Variants in DEPDC5 observed in about 807,000 individuals in gnomAD.
The protein encoded by DEPDC5 is DEP domain containing 5, GATOR1 subcomplex subunit.
DEPDC5 carries 73 observed loss-of-function variants against 217.3 expected under a neutral mutation model. The observed-to-expected ratio is 0.34, with a 90% CI of 0.28 to 0.41. The LOEUF (loss-of-function observed/expected upper bound fraction) is 0.41. DEPDC5 is among the 10% of genes least tolerant of loss of function. DEPDC5 has a pLI of 1.00. For missense variants in DEPDC5, 1,675 were observed against 2,070.1 expected, an observed-to-expected ratio of 0.81 and a Z score of 3.70; for synonymous variants, 733 against 756.7, an observed-to-expected ratio of 0.97 and a Z score of 0.51.
intron 38 of DEPDC5, among the ~76,000 whole-genome samples, chr22:31,884,843 T>G (rs776994017): frequency 6.6e-6 from 1 of 152,114 alleles, no homozygotes; most frequent in Non-Finnish European, 1.5e-5. Flanking sequence ...CACCTTCGTC[T>G]TGCCTTCTCA....
chr22:31,841,137 G>A (rs1213143620), intron 27 of DEPDC5, among the ~76,000 whole-genome samples: 1 of 152,254 alleles, frequency 6.6e-6, no homozygotes, highest in East Asian at 1.9e-4. Flanking sequence ...GCTGTAGAAA[G>A]TGAGATTTGG....
intron 31 of DEPDC5, among the ~76,000 whole-genome samples, chr22:31,851,173 A>G (rs28472585): frequency 6.6e-6 from 1 of 152,016 alleles, no homozygotes; most frequent in African/African-American, 2.4e-5. Context: ...CCTTGGTTTC[A>G]CACTCTGGTC....
chr22:31,833,760 C>T, intron 24 of DEPDC5, 155 bp from the exon 25 acceptor site: 5 of 524,958 alleles, frequency 9.5e-6, no homozygotes, highest in Non-Finnish European at 1.6e-5. Flanking sequence ...TTTCTTTGAT[C>T]GATTCTTTTG....
chr22:31,805,951 A>G (rs1384175987), intron 17 of DEPDC5, among the ~76,000 whole-genome samples, 171 bp from the exon 18 acceptor site: 2 of 152,156 alleles, frequency 1.3e-5, no homozygotes, highest in African/African-American at 2.4e-5. Context: ...ACAAAACATA[A>G]CTAATGTTTT....
In DEPDC5 at chr22:31,821,534, C is replaced by G; in HGVS notation, c.1903C>G (p.Gln635Glu). The change falls in exon 23 of 43, where the codon CAG becomes GAG. Residue 635 changes from glutamine to glutamate, a missense_variant. Physicochemically the swap from Gln to Glu is conservative, Grantham distance 29. Coordinates refer to ENST00000651528, the MANE Select transcript of DEPDC5 (RefSeq NM_001242896.3). ...CGGAGAAGCCATCCAGATCCACCACCAGACCCGACAGAATATGGCGGAGCT... is the reference window on the plus strand; with the variant it reads ...CGGAGAAGCCATCCAGATCCACCACGAGACCCGACAGAATATGGCGGAGCT... ...PSGEAIQIHH[Q>E]TRQNMAELQG... 6.2e-7 allele frequency: 1 copy of G among 1,614,232 alleles called. No homozygotes were observed. Among genetic ancestry groups the G allele is most frequent in the Non-Finnish European group, 8.5e-7 (1 of 1,180,036 alleles).
chr22:31,843,862 G>T (rs1280985055), intron 29 of DEPDC5, 50 bp downstream of exon 29: 19 of 1,527,514 alleles, frequency 1.2e-5, no homozygotes, highest in Non-Finnish European at 1.7e-5. Flanking sequence ...GGGCAAGGAT[G>T]TGTATGTGTA....
intron 32 of DEPDC5, chr22:31,858,697 A>G (rs2092395870): frequency 6.6e-6 from 1 of 152,310 alleles, no homozygotes; most frequent in South Asian, 2.1e-4. Context: ...ATATCATTTT[A>G]TCATATGAAT....
In DEPDC5 at chr22:31,897,529, C is replaced by T. The variant is rs762073691; in HGVS notation, c.4251C>T (p.Val1417=). The T allele has an allele frequency of 6.2e-7, 1 of 1,614,064 alleles. No individual in the cohort carries two copies. Among genetic ancestry groups the T allele is most frequent in the South Asian group, 1.1e-5 (1 of 91,080 alleles). ...RKATSCGFLL[V]PVLEGPFALP... ...CCACCTCCTGTGGCTTCTTGTTAGT[C>T]CCAGTTTTGGAGGGGCCTTTTGCAC... The change falls in exon 40 of 43, where the codon GTC becomes GTT. Residue 1417 remains valine (V), a synonymous_variant. Coordinates refer to ENST00000651528, the MANE Select transcript of DEPDC5 (RefSeq NM_001242896.3).
chr22:31,806,594 G>C, intron 18 of DEPDC5, among the ~76,000 whole-genome samples: 1 of 152,218 alleles, frequency 6.6e-6, no homozygotes, highest in Admixed American at 6.5e-5. Context: ...ATTGTGACCT[G>C]ACTGTTTTAT....
At chr22:31,891,173 A>T in intron 38 of DEPDC5, 1 of 529,984 alleles carries the variant, frequency 1.9e-6, no homozygotes, top group Non-Finnish European at 3.6e-6. Context: ...CCTTCTTTAA[A>T]CTGTCAAGTA....
chr22:31,810,550 G>T lies in DEPDC5; in HGVS notation c.1354G>T (p.Ala452Ser), dbSNP rs768264302. Residue 452 changes from alanine (A) to serine (S), a missense_variant, in exon 20 of 43, where the codon GCC (alanine) becomes TCC (serine). Transcript: ENST00000651528. ...CGGGAGTCCAAAAGAATCTGAGAAC[G>T]CCCTTCCCATCCAAGTAGATTATGA... ...SLGSPKESEN[A>S]LPIQVDYDAY... 3.1e-6 allele frequency: 5 copies of T among 1,614,048 alleles called. No homozygotes were observed. In the East Asian group the frequency reaches 1.1e-4, roughly 36 times the overall value.
rs781749390 is a variant in DEPDC5 at position 31,857,515 on chromosome 22, G to A, written c.3226G>A (p.Val1076Ile). ...SSAQSAESSS[V>I]AMTPTYMDSP... ...CGCCCAGTCAGCCGAGAGCAGCAGC[G>A]TTGCCATGACTCCCACCTACATGGA... Residue 1076 changes from valine (V) to isoleucine (I), a missense_variant, in exon 32 of 43, where the codon GTT becomes ATT. Val to Ile is a conservative substitution (Grantham distance 29). This residue lies in a region of DEPDC5 where 126 missense variants were observed against 113.8 expected (regional missense o/e 1.11). Transcript: ENST00000651528. 17 of 1,612,162 alleles carry A rather than the reference G, an allele frequency of 1.1e-5. No individual in the cohort carries two copies. Among genetic ancestry groups the A allele is most frequent in the South Asian group, 6.6e-5 (6 of 90,450 alleles).
chr22:31,758,773 G>T, intron 3 of DEPDC5, 140 bp downstream of exon 3: 2 of 808,318 alleles, frequency 2.5e-6, no homozygotes, highest in South Asian at 1.6e-5. Flanking sequence ...GGGAGGCTGA[G>T]GTGGGTAGGT....
intron 23 of DEPDC5, among the ~76,000 whole-genome samples, chr22:31,822,197 G>A (rs1038028475): frequency 2.0e-5 from 3 of 152,230 alleles, no homozygotes; most frequent in South Asian, 2.1e-4. Context: ...CTTGACAGGC[G>A]TGAGCCCGGG....
chr22:31,890,668 C>T (rs1302940078), intron 38 of DEPDC5, among the ~76,000 whole-genome samples: 1 of 148,678 alleles, frequency 6.7e-6, no homozygotes, highest in Non-Finnish European at 1.5e-5. Flanking sequence ...GAGATCACGC[C>T]ACTGCACTCC....
chr22:31,757,856 C>T (rs5998116), intron 2 of DEPDC5, among the ~76,000 whole-genome samples: 14,676 of 152,064 alleles, frequency 0.097, 770 homozygotes, highest in Admixed American at 0.13. Flanking sequence ...CTCTGCCTCC[C>T]GGGTTCAAGT....
At position 31,889,062 on chromosome 22, in the gene DEPDC5, C is replaced by T. The variant is rs534251036; in HGVS notation, c.4034-4520C>T. On this transcript the variant is annotated intron_variant, in intron 38 of 42. Coordinates refer to ENST00000651528, the MANE Select transcript of DEPDC5 (RefSeq NM_001242896.3). Reference sequence around the variant, plus strand: ...TGTTACGTAGAGTATCACTCCCCTACCTGGGGTTGCATTTTTCTCCTCTGC... The same window carrying T: ...TGTTACGTAGAGTATCACTCCCCTATCTGGGGTTGCATTTTTCTCCTCTGC... 8.1e-4 allele frequency among the ~76,000 whole-genome samples: 123 copies of T among 152,172 alleles called. 2 individuals are homozygous for T. The highest frequency in any genetic ancestry group is 1.0e-3 in the Non-Finnish European group (70 of 68,028).
intron 38 of DEPDC5, among the ~76,000 whole-genome samples, chr22:31,887,736 C>T (rs984906991): frequency 3.9e-5 from 6 of 152,128 alleles, no homozygotes; most frequent in African/African-American, 1.4e-4. Context: ...CTGATATGGC[C>T]ATATACAGCT....
At chr22:31,760,897 G>A (rs1057244049) in intron 4 of DEPDC5, among the ~76,000 whole-genome samples, 195 bp downstream of exon 4, 2 of 152,010 alleles carry the variant, frequency 1.3e-5, no homozygotes, top group Non-Finnish European at 2.9e-5. Context: ...TGGGGATTGG[G>A]CTTCTATTGT....
Sources: allele counts gnomAD v4.1 joint callset (sites outside exome capture counted in the v4.1 genomes callset), GRCh38; gene constraint gnomAD v4.1.1; regional missense constraint gnomAD v4.1.1; transcripts MANE v1.5; gene names NCBI Gene and HGNC (gene_info 2026-07-23, HGNC 2026-07-21).